Variants in NIPA2 observed in about 807,000 individuals in gnomAD.
The protein encoded by NIPA2 is magnesium transporter NIPA2.
In NIPA2, 11 loss-of-function variants were observed where a neutral mutation model predicts 29.7. The ratio of observed to expected loss-of-function variants is 0.37; its 90% CI spans 0.23 to 0.61. The LOEUF (loss-of-function observed/expected upper bound fraction) is 0.61. NIPA2 is among the 20% of genes least tolerant of loss of function. The probability of loss-of-function intolerance (pLI) is 0.66; values close to 1 mark genes in which losing one functional copy is unlikely to be tolerated. For missense variants in NIPA2, 426 were observed against 437.9 expected (o/e 0.97, Z 0.24); for synonymous variants, 183 against 161.9 (o/e 1.13, Z -0.99).
chr15:22,858,397 A>G (rs2058361483), intron 5 of NIPA2, 143 bp from the exon 6 acceptor site: 1 of 491,912 alleles, frequency 2.0e-6, no homozygotes, highest in African/African-American at 2.2e-5. Context: ...CCGTCTCAAA[A>G]AAATAAAAAT....
intron 3 of NIPA2, among the ~76,000 whole-genome samples, chr15:22,849,781 C>T (rs1028782423): frequency 2.0e-5 from 3 of 151,858 alleles, no homozygotes; most frequent in African/African-American, 4.8e-5. Context: ...GCCAGGATGA[C>T]TCGATCTCCT....
intron 2 of NIPA2, among the ~76,000 whole-genome samples, chr15:22,841,494 C>T (rs1404169348): frequency 1.3e-5 from 2 of 152,148 alleles, no homozygotes; most frequent in Admixed American, 1.3e-4. Context: ...TAGGGCCCCA[C>T]GTGATCTGAC....
intron 3 of NIPA2, among the ~76,000 whole-genome samples, chr15:22,846,809 CT>C (rs1399825017): frequency 8.4e-6 from 1 of 118,892 alleles, no homozygotes; most frequent in African/African-American, 2.9e-5. Context: ...GAATGAGACC[CT>C]GTCTCCAAAA....
Position 22,840,969 on chromosome 15 carries a change from G to T in NIPA2, c.-216+1179G>T, listed in dbSNP as rs894430904. 3.5e-5 allele frequency among the ~76,000 whole-genome samples: 5 copies of T among 141,778 alleles called. No homozygotes were observed. In the East Asian group the frequency reaches 1.1e-3, roughly 32 times the overall value. The allele number at this position is 141,778 out of a possible 152,430, so 93.0% of individuals were successfully genotyped here. ...CTGATTTATTTGATTGCTATACATT[G>T]TGATATTGAACAGAAAGATAAGACT... On this transcript the variant is annotated intron_variant, in intron 2 of 7. Transcript: ENST00000337451.
At chr15:22,840,303 T>TTG (rs1202144687) in intron 2 of NIPA2, among the ~76,000 whole-genome samples, 32 of 97,018 alleles carry the variant, frequency 3.3e-4, no homozygotes, top group Non-Finnish European at 5.5e-4. Context: ...TTTTTTTTTG[T>TTG]TTTTTTTTTT....
At chr15:22,861,179 T>C (rs554322059) in intron 7 of NIPA2, among the ~76,000 whole-genome samples, 1 of 152,318 alleles carries the variant, frequency 6.6e-6, no homozygotes, top group South Asian at 2.1e-4. Flanking sequence ...GTAATAATTA[T>C]CTTGTTTGTG....
At position 22,867,497 on chromosome 15, in the gene NIPA2, C is replaced by CAGCA; in HGVS notation, c.*651_*654dup. 1 of 297,504 alleles carries CAGCA rather than the reference C, an allele frequency of 3.4e-6. No homozygotes were observed. Among genetic ancestry groups the CAGCA allele is most frequent in the Non-Finnish European group, 6.1e-6 (1 of 163,606 alleles). 18.4% of individuals were successfully genotyped at this position (297,504 alleles called of 1,614,324 possible). A position where few individuals can be genotyped will look rare whatever the true frequency, so the allele number is the denominator to read the frequency against. ...CGATGGCCTTAGCACCTCATCAAGCCAGCACATCCTGCCTGCTGTTGCAGC... is the reference window on the plus strand; with the variant it reads ...CGATGGCCTTAGCACCTCATCAAGCCAGCAAGCACATCCTGCCTGCTGTTGCAGC... On this transcript the variant is annotated 3_prime_UTR_variant, in exon 8 of 8. Coordinates refer to ENST00000337451, the MANE Select transcript of NIPA2 (RefSeq NM_030922.7).
At chr15:22,852,467 T>TAAAAAAAAAAAAA (rs71411211) in intron 4 of NIPA2, among the ~76,000 whole-genome samples, 17 of 131,018 alleles carry the variant, frequency 1.3e-4, no homozygotes, top group Non-Finnish European at 2.1e-4. Context: ...AGACTCCGTC[T>TAAAAAAAAAAAAA]AAAAAAAAAA....
At chr15:22,840,183 G>A (rs958503696) in intron 2 of NIPA2, among the ~76,000 whole-genome samples, 5 of 152,118 alleles carry the variant, frequency 3.3e-5, no homozygotes, top group Admixed American at 2.6e-4. Context: ...GGCCTCCAAA[G>A]TGCGGGGATT....
In NIPA2 at chr15:22,839,637, G is replaced by C. The variant is rs1896475308; in HGVS notation, c.-351-18G>C. On this transcript the variant is annotated intron_variant, in intron 1 of 7. Coordinates refer to ENST00000337451, the MANE Select transcript of NIPA2 (RefSeq NM_030922.7). ...AACTTTAAGTCTTTTGCCTACTTCT[G>C]TGTTTTCTTCTTTCTAGGCTGGAGC... 1 of 152,132 alleles carries C rather than the reference G, an allele frequency of 6.6e-6. No homozygotes were observed. The highest frequency in any genetic ancestry group is 1.5e-5 in the Non-Finnish European group (1 of 68,018). 9.4% of individuals were successfully genotyped at this position (152,132 alleles called of 1,614,324 possible). A position where few individuals can be genotyped will look rare whatever the true frequency, so the allele number is the denominator to read the frequency against.
intron 3 of NIPA2, among the ~76,000 whole-genome samples, chr15:22,846,815 C>T (rs1898777937): frequency 2.8e-5 from 2 of 70,704 alleles, no homozygotes; most frequent in African/African-American, 9.6e-5. Flanking sequence ...GACCCTGTCT[C>T]CAAAATAATA....
At chr15:22,860,544 G>T in intron 6 of NIPA2, 85 bp from the exon 7 acceptor site, 1 of 908,736 alleles carries the variant, frequency 1.1e-6, no homozygotes, top group Non-Finnish European at 1.7e-6. Context: ...TTTGATTTCA[G>T]TGATTTAAAT....
At chr15:22,839,871 C>G (rs1204925544) in intron 2 of NIPA2, 81 bp downstream of exon 2, 1 of 152,052 alleles carries the variant, frequency 6.6e-6, no homozygotes, top group Non-Finnish European at 1.5e-5. Context: ...TTTATAAGTA[C>G]AGTACTGCTT....
intron 5 of NIPA2, 52 bp from the exon 6 acceptor site, chr15:22,858,488 G>A: frequency 8.7e-7 from 1 of 1,150,506 alleles, no homozygotes; most frequent in South Asian, 1.4e-5. Flanking sequence ...GCATTTCCAA[G>A]TTGAGTACAT....
intron 2 of NIPA2, among the ~76,000 whole-genome samples, chr15:22,841,031 G>A (rs1202007204): frequency 1.3e-5 from 2 of 151,380 alleles, no homozygotes; most frequent in African/African-American, 4.9e-5. Flanking sequence ...GGGTGGGAGA[G>A]GAAATGGGAG....
At chr15:22,864,613 G>T (rs1348101123) in intron 7 of NIPA2, among the ~76,000 whole-genome samples, 2 of 152,212 alleles carry the variant, frequency 1.3e-5, no homozygotes, top group Non-Finnish European at 2.9e-5. Context: ...TGTGGCACGG[G>T]AGGGACAGTC....
chr15:22,848,142 G>A (rs1473348551), intron 3 of NIPA2, among the ~76,000 whole-genome samples: 1 of 152,192 alleles, frequency 6.6e-6, no homozygotes, highest in Admixed American at 6.5e-5. Context: ...TTTCATTGAA[G>A]TGAGGTGACC....
rs956052384 is a variant in NIPA2 at position 22,867,438 on chromosome 15, A to G, written c.*591A>G. The G allele has an allele frequency of 2.8e-6, 1 of 361,972 alleles. No homozygotes were observed. The highest frequency in any genetic ancestry group is 4.9e-6 in the Non-Finnish European group (1 of 204,436). The allele number at this position is 361,972 out of a possible 1,614,324, so 22.4% of individuals were successfully genotyped here. A position where few individuals can be genotyped will look rare whatever the true frequency, so the allele number is the denominator to read the frequency against. ...CCAAGGAACGATTTCTCAGGTTGAG[A>G]TGATCACCGTGAATCCGGCTTCCTC... On this transcript the variant is annotated 3_prime_UTR_variant, in exon 8 of 8. Coordinates refer to ENST00000337451, the MANE Select transcript of NIPA2 (RefSeq NM_030922.7).
intron 2 of NIPA2, among the ~76,000 whole-genome samples, chr15:22,841,446 A>T (rs1897050656): frequency 1.3e-5 from 2 of 152,214 alleles, no homozygotes; most frequent in African/African-American, 4.8e-5. Context: ...AATGGGTTGC[A>T]GATCTGTTCC....
Sources: allele counts gnomAD v4.1 joint callset (sites outside exome capture counted in the v4.1 genomes callset), GRCh38; gene constraint gnomAD v4.1.1; transcripts MANE v1.5; gene names NCBI Gene and HGNC (gene_info 2026-07-23, HGNC 2026-07-21).